The following SGCD variants were observed in gnomAD, a reference collection of about 807,000 sequenced individuals.
The protein encoded by SGCD is sarcoglycan delta, also known as delta-sarcoglycan.
Under a neutral mutation model 36.6 loss-of-function variants are expected in SGCD, and 18 were observed. The ratio of observed to expected loss-of-function variants is 0.49; its 90% CI spans 0.34 to 0.73. The LOEUF (loss-of-function observed/expected upper bound fraction) is 0.73, where lower values mean the gene tolerates loss of function less well. Among genes scored for constraint, SGCD ranks in the 30% least tolerant of loss-of-function variants. The probability of loss-of-function intolerance (pLI) is 0.01; values close to 1 mark genes in which losing one functional copy is unlikely to be tolerated. For missense variants in SGCD, 387 were observed against 346.7 expected (o/e 1.12, Z -0.92); for synonymous variants, 133 against 130.6 (o/e 1.02, Z -0.12).
intron 1 of SGCD, among the ~76,000 whole-genome samples, chr5:156,037,562 A>G (rs1315398419): frequency 6.6e-6 from 1 of 152,232 alleles, no homozygotes; most frequent in Non-Finnish European, 1.5e-5. Context: ...CACATAAAAC[A>G]TCTTGCATCT....
At chr5:156,321,100 C>G (rs1325407489) in intron 3 of SGCD, among the ~76,000 whole-genome samples, 1 of 151,608 alleles carries the variant, frequency 6.6e-6, no homozygotes, top group African/African-American at 2.4e-5. Context: ...CATAATATTT[C>G]TAAAAAACAA....
At chr5:156,474,468 C>A (rs1357913821) in intron 3 of SGCD, among the ~76,000 whole-genome samples, 1 of 152,182 alleles carries the variant, frequency 6.6e-6, no homozygotes, top group Non-Finnish European at 1.5e-5. Flanking sequence ...GCTTCTATAG[C>A]AGCTTGTCTC....
chr5:156,073,479 C>A (rs113637745), intron 1 of SGCD, among the ~76,000 whole-genome samples: 14 of 152,142 alleles, frequency 9.2e-5, no homozygotes, highest in Non-Finnish European at 2.9e-5. Flanking sequence ...AGGAAGATTG[C>A]GTGAGCCCAG....
At chr5:155,749,760 A>G in the SGCD span, among the ~76,000 whole-genome samples, 45 of 152,278 alleles carry the variant, frequency 3.0e-4, no homozygotes, top group African/African-American at 9.9e-4. Context: ...CTTGGTGTAC[A>G]TTTACTATCC....
At chr5:155,953,300 G>A (rs755239686) in intron 1 of SGCD, among the ~76,000 whole-genome samples, 1 of 152,112 alleles carries the variant, frequency 6.6e-6, no homozygotes, top group Non-Finnish European at 1.5e-5. Flanking sequence ...AGCTAGTTGA[G>A]CTCTCCAATA....
chr5:156,730,736 A>T (rs182497732), intron 7 of SGCD, among the ~76,000 whole-genome samples: 1 of 152,224 alleles, frequency 6.6e-6, no homozygotes, highest in African/African-American at 2.4e-5. Flanking sequence ...GTGGGTATAT[A>T]CCCTGTAATG....
intron 1 of SGCD, among the ~76,000 whole-genome samples, chr5:156,102,234 A>G (rs1261870966): frequency 2.0e-5 from 3 of 152,104 alleles, no homozygotes; most frequent in African/African-American, 7.2e-5. Flanking sequence ...ACCTAAAATG[A>G]AAGAAAATTA....
intron 7 of SGCD, among the ~76,000 whole-genome samples, chr5:156,728,087 C>T (rs763079196): frequency 1.3e-5 from 2 of 152,116 alleles, no homozygotes; most frequent in Non-Finnish European, 2.9e-5. Context: ...TAAACTGAAG[C>T]TTGGAGAAGT....
At chr5:156,105,043 G>A (rs1012456748) in intron 1 of SGCD, among the ~76,000 whole-genome samples, 1 of 152,118 alleles carries the variant, frequency 6.6e-6, no homozygotes, top group Middle Eastern at 3.2e-3. Flanking sequence ...TATACCTAAT[G>A]TAAATGACGA....
At chr5:155,841,051 C>CT in the SGCD span, among the ~76,000 whole-genome samples, 1 of 124,590 alleles carries the variant, frequency 8.0e-6, no homozygotes, top group African/African-American at 3.2e-5. Context: ...CACTGGGGCA[C>CT]TGGGTGTGCT....
intron 7 of SGCD, chr5:156,739,904 A>T (rs1439492293): frequency 6.6e-6 from 1 of 152,124 alleles, no homozygotes; most frequent in Non-Finnish European, 1.5e-5. Flanking sequence ...TGCCCAACTC[A>T]AAAAGCACAT....
intron 7 of SGCD, among the ~76,000 whole-genome samples, chr5:156,725,281 A>G (rs1755716918): frequency 6.6e-6 from 1 of 152,228 alleles, no homozygotes; most frequent in African/African-American, 2.4e-5. Context: ...AGCGTTGCAT[A>G]TCAGAAATGC....
intron 3 of SGCD, among the ~76,000 whole-genome samples, chr5:156,460,173 A>G (rs1754422865): frequency 6.6e-6 from 1 of 152,144 alleles, no homozygotes; most frequent in Non-Finnish European, 1.5e-5. Flanking sequence ...AAGGAGGGGG[A>G]CAACTACCCT....
the SGCD span, among the ~76,000 whole-genome samples, chr5:155,770,524 G>A: frequency 6.6e-6 from 1 of 152,254 alleles, no homozygotes; most frequent in Middle Eastern, 3.4e-3. Flanking sequence ...GGCAGAAGAT[G>A]TTAGAAAAGT....
chr5:155,766,273 C>T, the SGCD span, among the ~76,000 whole-genome samples: 1 of 152,172 alleles, frequency 6.6e-6, no homozygotes, highest in Admixed American at 6.5e-5. Context: ...CCCATGTACA[C>T]TTGAACAGCT....
At chr5:155,764,730 T>C in the SGCD span, among the ~76,000 whole-genome samples, 1 of 151,978 alleles carries the variant, frequency 6.6e-6, no homozygotes, top group African/African-American at 2.4e-5. Context: ...GAAGTGAGTG[T>C]TTTCTGTAAA....
At chr5:155,774,762 C>G in the SGCD span, among the ~76,000 whole-genome samples, 1 of 152,140 alleles carries the variant, frequency 6.6e-6, no homozygotes, top group East Asian at 1.9e-4. Context: ...CATCTCCCCA[C>G]CTCAAGGTCC....
chr5:156,184,845 A>G (rs947119585), intron 3 of SGCD, among the ~76,000 whole-genome samples: 23 of 152,208 alleles, frequency 1.5e-4, no homozygotes, highest in African/African-American at 5.1e-4. Flanking sequence ...AAATATAACT[A>G]AATAACCCAG....
upstream of SGCD, among the ~76,000 whole-genome samples, chr5:156,326,301 T>A (rs574168541): frequency 3.9e-5 from 6 of 152,278 alleles, no homozygotes; most frequent in African/African-American, 1.2e-4. Context: ...CATCCAGAAA[T>A]AATCACAGGT....
Sources: gnomAD v4.1 joint callset for allele counts (sites outside exome capture counted in the v4.1 genomes callset) on GRCh38, gnomAD v4.1.1 for gene constraint, MANE v1.5 for transcripts, NCBI Gene and HGNC (gene_info 2026-07-23, HGNC 2026-07-21) for gene names.